ENTREP2: variants seen among roughly 807,000 people sequenced by gnomAD.
The protein encoded by ENTREP2 is endosomal transmembrane epsin interactor 2.
chr15:29,262,536 T>C, the ENTREP2 span, among the ~76,000 whole-genome samples: 1 of 152,230 alleles, frequency 6.6e-6, no homozygotes, highest in Non-Finnish European at 1.5e-5. Context: ...TCAGAGAGCT[T>C]CCAGACTGCT....
At chr15:29,322,504 C>T in the ENTREP2 span, among the ~76,000 whole-genome samples, 51 of 152,188 alleles carry the variant, frequency 3.4e-4, no homozygotes, top group African/African-American at 1.1e-3. Flanking sequence ...AAATAAATCC[C>T]GGGACCCTAA....
At chr15:29,512,104 C>CA in the ENTREP2 span, among the ~76,000 whole-genome samples, 23 of 151,410 alleles carry the variant, frequency 1.5e-4, no homozygotes, top group African/African-American at 5.1e-4. Flanking sequence ...TTATTTTAAA[C>CA]AAAAAAAATG....
the ENTREP2 span, among the ~76,000 whole-genome samples, chr15:29,432,931 C>A: frequency 6.6e-6 from 1 of 152,244 alleles, no homozygotes; most frequent in South Asian, 2.1e-4. Flanking sequence ...CGGGTATAAT[C>A]ACCTATTCTC....
At chr15:29,244,250 A>C in the ENTREP2 span, among the ~76,000 whole-genome samples, 1 of 152,200 alleles carries the variant, frequency 6.6e-6, no homozygotes, top group Non-Finnish European at 1.5e-5. Context: ...ATCTTGATTA[A>C]AAAAAATCTT....
chr15:29,299,377 G>A, the ENTREP2 span, among the ~76,000 whole-genome samples: 1 of 152,170 alleles, frequency 6.6e-6, no homozygotes. Flanking sequence ...CGCAGTGGTG[G>A]AGATGAACTG....
the ENTREP2 span, among the ~76,000 whole-genome samples, chr15:29,167,551 C>G: frequency 6.6e-6 from 1 of 152,060 alleles, no homozygotes; most frequent in Non-Finnish European, 1.5e-5. Context: ...AAATGGCCAA[C>G]AAACATATGA....
chr15:29,481,488 A>G, the ENTREP2 span, among the ~76,000 whole-genome samples: 1 of 152,204 alleles, frequency 6.6e-6, no homozygotes, highest in African/African-American at 2.4e-5. Context: ...ATACAAAAAA[A>G]TAGTATTAAT....
chr15:29,213,128 C>G, the ENTREP2 span, among the ~76,000 whole-genome samples: 2,372 of 152,294 alleles, frequency 0.016, 21 homozygotes, highest in Non-Finnish European at 0.026. Context: ...TCTGAGGGCT[C>G]TGTTCTGTTC....
At chr15:29,333,900 G>A in the ENTREP2 span, among the ~76,000 whole-genome samples, 1 of 151,968 alleles carries the variant, frequency 6.6e-6, no homozygotes, top group Non-Finnish European at 1.5e-5. Flanking sequence ...TGAACACGAG[G>A]AGAACGCCAT....
the ENTREP2 span, among the ~76,000 whole-genome samples, chr15:29,577,182 T>C: frequency 1.3e-5 from 2 of 151,924 alleles, no homozygotes; most frequent in East Asian, 1.9e-4. Flanking sequence ...ATTAGAACCC[T>C]TGTGCATTTC....
At chr15:29,481,851 T>C in the ENTREP2 span, among the ~76,000 whole-genome samples, 2 of 152,112 alleles carry the variant, frequency 1.3e-5, no homozygotes, top group African/African-American at 4.8e-5. Flanking sequence ...GTTTTTAAGG[T>C]TTATTTAATT....
At chr15:29,644,598 T>G in the ENTREP2 span, among the ~76,000 whole-genome samples, 1 of 150,330 alleles carries the variant, frequency 6.7e-6, no homozygotes, top group South Asian at 2.1e-4. Context: ...AGCTCAGGAG[T>G]TTAAGACCAG....
chr15:29,518,413 A>G, the ENTREP2 span, among the ~76,000 whole-genome samples: 97 of 152,252 alleles, frequency 6.4e-4, no homozygotes, highest in African/African-American at 2.2e-3. Flanking sequence ...TTCACAACAA[A>G]TGTTCAGTTA....
the ENTREP2 span, chr15:29,196,512 G>T: frequency 1.9e-6 from 3 of 1,551,620 alleles, no homozygotes; most frequent in South Asian, 2.4e-5. Flanking sequence ...GCAGCCGGAC[G>T]ACTGGTGCTG....
chr15:29,469,231 G>A, the ENTREP2 span, among the ~76,000 whole-genome samples: 4 of 152,116 alleles, frequency 2.6e-5, no homozygotes, highest in Non-Finnish European at 5.9e-5. Context: ...ACAGAGTTTC[G>A]CTCTGTCGCC....
the ENTREP2 span, among the ~76,000 whole-genome samples, chr15:29,311,509 G>A: frequency 6.6e-6 from 1 of 152,172 alleles, no homozygotes; most frequent in Admixed American, 6.5e-5. Flanking sequence ...GGCCAACATG[G>A]CGAAACCCTG....
At chr15:29,146,747 C>T in the ENTREP2 span, among the ~76,000 whole-genome samples, 2 of 152,062 alleles carry the variant, frequency 1.3e-5, no homozygotes, top group Non-Finnish European at 2.9e-5. Context: ...ACCAGCCTGG[C>T]CAACGTGGTG....
the ENTREP2 span, among the ~76,000 whole-genome samples, chr15:29,378,805 A>G: frequency 6.6e-6 from 1 of 152,328 alleles, no homozygotes; most frequent in Non-Finnish European, 1.5e-5. Flanking sequence ...ATGCGTGTGT[A>G]TATCTATCTA....
the ENTREP2 span, among the ~76,000 whole-genome samples, chr15:29,175,374 TA>T: frequency 6.6e-6 from 1 of 152,236 alleles, no homozygotes; most frequent in African/African-American, 2.4e-5. Flanking sequence ...ATGACTATCA[TA>T]CACGATTAAT....
Sources: gnomAD v4.1 joint callset for allele counts (sites outside exome capture counted in the v4.1 genomes callset) on GRCh38, gnomAD v4.1.1 for gene constraint, MANE v1.5 for transcripts, NCBI Gene and HGNC (gene_info 2026-07-23, HGNC 2026-07-21) for gene names.